Variants in LZTFL1 observed in about 807,000 individuals in gnomAD.
LZTFL1 encodes the protein leucine zipper transcription factor like 1.
LZTFL1 carries 25 observed loss-of-function variants against 45.9 expected under a neutral mutation model. That is an observed-to-expected ratio of 0.54 (90% confidence interval 0.40 to 0.76). The LOEUF (loss-of-function observed/expected upper bound fraction) is 0.76, where lower values mean the gene tolerates loss of function less well. Ranked by LOEUF, LZTFL1 falls within the 30% of genes least tolerant of loss-of-function variation. The pLI is 0.00. For missense variants in LZTFL1, 277 were observed against 331.1 expected (o/e 0.84, Z 1.27); for synonymous variants, 93 against 117.4 (o/e 0.79, Z 1.35).
intron 2 of LZTFL1, among the ~76,000 whole-genome samples, chr3:45,881,470 G>A (rs541983261): frequency 6.6e-6 from 1 of 152,078 alleles, no homozygotes; most frequent in South Asian, 2.1e-4. Context: ...TCCCATTCCT[G>A]CTGCTGCTGC....
In LZTFL1 at chr3:45,842,020, G is replaced by A. The variant is rs377462286; in HGVS notation, c.-29C>T. ...GGCAGGCAGCGGCGGCAGCCTAAAG[G>A]AACGGGAGAGGCCAGGCGGTGCCCC... On this transcript the variant is annotated 5_prime_UTR_variant, in exon 1 of 10. Transcript: ENST00000296135. The A allele has an allele frequency of 2.5e-3, 3,946 of 1,607,496 alleles. 15 individuals carry two copies. The highest frequency in any genetic ancestry group is 1.8e-3 in the Non-Finnish European group (2,131 of 1,178,298).
At chr3:45,893,308 C>T (rs1188566333) in intron 2 of LZTFL1, among the ~76,000 whole-genome samples, 3 of 152,162 alleles carry the variant, frequency 2.0e-5, no homozygotes, top group Non-Finnish European at 4.4e-5. Context: ...GCGCACACCA[C>T]CACACCTGGC....
intron 2 of LZTFL1, among the ~76,000 whole-genome samples, chr3:45,868,291 C>T (rs963577921): frequency 9.2e-5 from 14 of 151,844 alleles, no homozygotes; most frequent in East Asian, 3.9e-4. Context: ...TGAAACCACT[C>T]GCTTCGTAGA....
intron 2 of LZTFL1, among the ~76,000 whole-genome samples, chr3:45,887,434 G>C (rs1298454318): frequency 3.3e-5 from 5 of 152,150 alleles, no homozygotes; most frequent in Non-Finnish European, 5.9e-5. Context: ...TTTATGATCA[G>C]AGTAAAGCAA....
At position 45,900,273 on chromosome 3, in the gene LZTFL1, G is replaced by A. The variant is rs987218742; in HGVS notation, c.-215+12847C>T. Among the ~76,000 whole-genome samples the A allele has an allele frequency of 6.6e-6, 1 of 152,176 alleles. No individual in the cohort carries two copies. Among genetic ancestry groups the A allele is most frequent in the East Asian group, 1.9e-4 (1 of 5,198 alleles). The stretch of plus-strand genomic sequence containing the variant: ...AGAGTGTCTGTGTGTGTATGTGTAT[G>A]TGCATGTGTATGTGGGTGTATGCTG... On this transcript the variant is annotated intron_variant, in intron 2 of 4. Coordinates refer to the LZTFL1 transcript ENST00000472635. The surrounding 1 kb of genome is among the most constrained non-coding windows in gnomAD (Gnocchi z 4.7).
chr3:45,859,093 C>T (rs1175429741), intron 2 of LZTFL1: 3 of 152,220 alleles, frequency 2.0e-5, no homozygotes, highest in Admixed American at 6.5e-5. Flanking sequence ...GATTTCTATT[C>T]TCCTGGATGG....
rs1470428586 is a variant in LZTFL1 at position 45,826,089 on chromosome 3, C to G, written c.*225G>C. The G allele has an allele frequency of 6.0e-6, 3 of 503,348 alleles. No individual in the cohort carries two copies. Among genetic ancestry groups the G allele is most frequent in the Non-Finnish European group, 1.1e-5 (3 of 284,900 alleles). 31.2% of individuals were successfully genotyped at this position (503,348 alleles called of 1,614,324 possible). Reference sequence around the variant, plus strand: ...AATTCTCAGTGCATGTGAGCTAAGACTCTGGAGCACTCAGTAGAGAGGTGT... The same window carrying G: ...AATTCTCAGTGCATGTGAGCTAAGAGTCTGGAGCACTCAGTAGAGAGGTGT... On this transcript the variant is annotated 3_prime_UTR_variant, in exon 10 of 10. Coordinates refer to ENST00000296135, the MANE Select transcript of LZTFL1 (RefSeq NM_020347.4).
In LZTFL1 at chr3:45,893,068, C is replaced by G. The variant is rs555717361; in HGVS notation, c.-215+20052G>C. On this transcript the variant is annotated intron_variant, in intron 2 of 4. Coordinates refer to the LZTFL1 transcript ENST00000472635. ...TTGCGAAGCTCTCACACAACCCAGA[C>G]AGTGAACATATTTATCCCCCACTGA... is the stretch of plus-strand genomic sequence containing the variant. Among the ~76,000 whole-genome samples, 3 of 152,314 alleles carry G rather than the reference C, an allele frequency of 2.0e-5. No homozygotes were observed. The East Asian group carries it at 5.8e-4, about 29-fold the overall frequency.
At chr3:45,842,177 AG>A, upstream of LZTFL1, 1 of 1,465,542 alleles carries the variant, frequency 6.8e-7, no homozygotes, top group Non-Finnish European at 9.0e-7. Flanking sequence ...ATTGGTCCTC[AG>A]GATCACGCGA....
At chr3:45,829,345 G>A (rs1431842793) in intron 7 of LZTFL1, among the ~76,000 whole-genome samples, 2 of 152,128 alleles carry the variant, frequency 1.3e-5, no homozygotes, top group African/African-American at 2.4e-5. Context: ...TCTCACGCCT[G>A]TAATTCCAAT....
chr3:45,843,733 G>A (rs536820480), upstream of LZTFL1, among the ~76,000 whole-genome samples: 1 of 152,326 alleles, frequency 6.6e-6, no homozygotes. Flanking sequence ...ACCCAACAGA[G>A]TTGAGTGTTG....
rs999676560 is a variant in LZTFL1 at position 45,913,638 on chromosome 3, C to T, written c.-272-461G>A. ...GACAAAGTGACAGGTCTAGCTAGTA[C>T]TAGTGTGGCATGTTGTCTCTAGTCA... is the stretch of plus-strand genomic sequence containing the variant. On this transcript the variant is annotated intron_variant, in intron 1 of 4. Coordinates refer to the LZTFL1 transcript ENST00000472635. Among the ~76,000 whole-genome samples, 19 of 152,134 alleles carry T rather than the reference C, an allele frequency of 1.2e-4. 1 individual carries two copies. Among genetic ancestry groups the T allele is most frequent in the Non-Finnish European group, 2.5e-4 (17 of 68,030 alleles).
intron 2 of LZTFL1, among the ~76,000 whole-genome samples, chr3:45,888,919 G>T (rs192885710): frequency 3.9e-5 from 6 of 152,320 alleles, no homozygotes; most frequent in Non-Finnish European, 8.8e-5. Context: ...AGAAGCAGAT[G>T]CATATTTTAT....
chr3:45,878,595 TA>T (rs762444326), intron 2 of LZTFL1, among the ~76,000 whole-genome samples: 1,961 of 111,240 alleles, frequency 0.018, 16 homozygotes, highest in African/African-American at 0.041. Flanking sequence ...GGCCCTCAAG[TA>T]AAAAAAAAAA....
At chr3:45,886,452 C>T (rs376796992) in intron 2 of LZTFL1, 4 of 152,336 alleles carry the variant, frequency 2.6e-5, no homozygotes, top group African/African-American at 9.6e-5. Context: ...ACAGGTGACT[C>T]CCCACCCTCT....
At chr3:45,855,055 A>G (rs915233170) in exon 4 of LZTFL1, 1 of 1,533,116 alleles carries the variant, frequency 6.5e-7, no homozygotes, top group Admixed American at 2.0e-5. Flanking sequence ...GTACAACTTG[A>G]TGGATTTTCT....
At chr3:45,830,248 T>C (rs1424330677) in intron 7 of LZTFL1, among the ~76,000 whole-genome samples, 2 of 152,226 alleles carry the variant, frequency 1.3e-5, no homozygotes, top group African/African-American at 2.4e-5. Context: ...TCTACCCAAA[T>C]GGTCCTGCTC....
At chr3:45,904,027 G>T (rs528225083) in intron 2 of LZTFL1, among the ~76,000 whole-genome samples, 12 of 152,252 alleles carry the variant, frequency 7.9e-5, no homozygotes, top group African/African-American at 2.2e-4. Context: ...TCTGTCATGG[G>T]AGTCCCAGTG....
chr3:45,881,639 G>A (rs1004325046), intron 2 of LZTFL1, among the ~76,000 whole-genome samples: 5 of 152,092 alleles, frequency 3.3e-5, no homozygotes, highest in African/African-American at 1.2e-4. Context: ...TACTAACTGC[G>A]ACACACGAAG....
Sources: gnomAD v4.1 joint callset for allele counts (sites outside exome capture counted in the v4.1 genomes callset) on GRCh38, gnomAD v4.1.1 for gene constraint, Gnocchi (gnomAD v3.1) non-coding constraint, MANE v1.5 for transcripts, NCBI Gene and HGNC (gene_info 2026-07-23, HGNC 2026-07-21) for gene names.